The following FRMD3 variants were observed in gnomAD, a reference collection of about 807,000 sequenced individuals.
FRMD3 encodes the protein FERM domain containing 3.
A neutral mutation model predicts 70.2 loss-of-function variants in FRMD3; 33 were observed. The ratio of observed to expected loss-of-function variants is 0.47; its 90% confidence interval spans 0.36 to 0.63. The LOEUF is 0.63. Among genes scored for constraint, FRMD3 ranks in the 20% least tolerant of loss-of-function variants. The pLI is 0.00. For synonymous variants in FRMD3, 279 were observed against 255.9 expected, an observed-to-expected ratio of 1.09 and a Z score of -0.86; for missense variants, 632 against 711.4, an observed-to-expected ratio of 0.89 and a Z score of 1.27.
chr9:83,310,373 T>C, intron 9 of FRMD3, 112 bp downstream of exon 9: 1 of 848,790 alleles, frequency 1.2e-6, no homozygotes, highest in Non-Finnish European at 1.9e-6. Context: ...ATTATCACCA[T>C]ACACTTCAAA....
chr9:83,385,384 A>G (rs1367818417), intron 2 of FRMD3, among the ~76,000 whole-genome samples: 1 of 152,138 alleles, frequency 6.6e-6, no homozygotes, highest in African/African-American at 2.4e-5. Flanking sequence ...ACTGGCCAGT[A>G]TTCAACCTAT....
intron 1 of FRMD3, among the ~76,000 whole-genome samples, chr9:83,415,627 T>TTA (rs1180417518): frequency 2.0e-5 from 3 of 147,218 alleles, no homozygotes; most frequent in South Asian, 2.2e-4. Context: ...TTTTTTTTTT[T>TTA]TTTTTTGGAT....
intron 1 of FRMD3, among the ~76,000 whole-genome samples, chr9:83,513,960 A>G (rs1248852731): frequency 6.6e-6 from 1 of 152,194 alleles, no homozygotes; most frequent in East Asian, 1.9e-4. Context: ...CATGGTCTTC[A>G]CAACCTGCAG....
chr9:83,364,644 T>C (rs1169097589), intron 3 of FRMD3, among the ~76,000 whole-genome samples: 2 of 152,224 alleles, frequency 1.3e-5, no homozygotes, highest in Non-Finnish European at 2.9e-5. Flanking sequence ...AGGATTTTGC[T>C]TCATTGTTTC....
Position 83,247,225 on chromosome 9 carries a change from C to A in FRMD3, c.*693G>T, listed in dbSNP as rs1265020848. On this transcript the variant is annotated 3_prime_UTR_variant, in exon 14 of 14. Coordinates refer to ENST00000304195, the MANE Select transcript of FRMD3 (RefSeq NM_174938.6). ...GCTTACTTACTATAGTGTCTTTCTA[C>A]CCATTTTCTATCTCCTATGCAGATC... 2 of 985,322 alleles carry A rather than the reference C, an allele frequency of 2.0e-6. No homozygotes were observed. Among genetic ancestry groups the A allele is most frequent in the South Asian group, 9.4e-5 (2 of 21,284 alleles). The allele number at this position is 985,322 out of a possible 1,614,324, so 61.0% of individuals were successfully genotyped here. A position where few individuals can be genotyped will look rare whatever the true frequency, so the allele number is the denominator to read the frequency against.
intron 13 of FRMD3, among the ~76,000 whole-genome samples, chr9:83,252,605 T>C (rs1832481727): frequency 2.0e-5 from 3 of 152,112 alleles, no homozygotes; most frequent in Non-Finnish European, 4.4e-5. Flanking sequence ...CCCATCAATA[T>C]GCTGTCTTCA....
intron 1 of FRMD3, among the ~76,000 whole-genome samples, chr9:83,492,861 C>G (rs1828860382): frequency 6.6e-6 from 1 of 152,196 alleles, no homozygotes; most frequent in Non-Finnish European, 1.5e-5. Context: ...GAAAATTCGT[C>G]AAGCTCGTCC....
intron 1 of FRMD3, among the ~76,000 whole-genome samples, chr9:83,439,004 T>TCCATAC (rs1229134304): frequency 6.6e-6 from 1 of 152,122 alleles, no homozygotes; most frequent in East Asian, 1.9e-4. Flanking sequence ...GAGCTGCACC[T>TCCATAC]CCATACCCAT....
At chr9:83,504,244 T>C (rs562342757) in intron 1 of FRMD3, among the ~76,000 whole-genome samples, 2 of 152,290 alleles carry the variant, frequency 1.3e-5, no homozygotes, top group South Asian at 4.1e-4. Flanking sequence ...TCAAGTGGTC[T>C]TGGGCTTCCT....
the FRMD3 span, among the ~76,000 whole-genome samples, chr9:83,570,005 A>G: frequency 6.6e-6 from 1 of 152,260 alleles, no homozygotes; most frequent in Non-Finnish European, 1.5e-5. Flanking sequence ...GGATGAATAC[A>G]GAGCTCCTGG....
intron 5 of FRMD3, among the ~76,000 whole-genome samples, chr9:83,338,083 A>G (rs995708233): frequency 1.3e-5 from 2 of 152,230 alleles, no homozygotes; most frequent in African/African-American, 2.4e-5. Context: ...AGGAAGACCA[A>G]TAGAGAAATG....
intron 1 of FRMD3, among the ~76,000 whole-genome samples, chr9:83,529,414 G>A (rs1012378810): frequency 2.0e-5 from 3 of 152,198 alleles, no homozygotes; most frequent in Non-Finnish European, 4.4e-5. Flanking sequence ...GGGAGTGATT[G>A]TAGTTGCAAA....
intron 1 of FRMD3, among the ~76,000 whole-genome samples, chr9:83,493,978 A>G (rs1225013431): frequency 1.3e-5 from 2 of 152,190 alleles, no homozygotes; most frequent in African/African-American, 4.8e-5. Flanking sequence ...CTCATGCGCT[A>G]CACTTATCAC....
chr9:83,572,609 A>G, the FRMD3 span, among the ~76,000 whole-genome samples: 2 of 152,232 alleles, frequency 1.3e-5, no homozygotes, highest in African/African-American at 4.8e-5. Flanking sequence ...AGAGAAATAT[A>G]GAATGATTGC....
chr9:83,399,581 T>A (rs1264528863), intron 1 of FRMD3, among the ~76,000 whole-genome samples: 2 of 152,234 alleles, frequency 1.3e-5, no homozygotes, highest in African/African-American at 4.8e-5. Context: ...ACAAGTTGAA[T>A]CTTTTCTATG....
In FRMD3 at chr9:83,462,252, C is replaced by T. The variant is rs112140701; in HGVS notation, c.148-72544G>A. Among the ~76,000 whole-genome samples the T allele has an allele frequency of 7.0e-3, 1,062 of 152,304 alleles. 12 individuals carry two copies. Among genetic ancestry groups the T allele is most frequent in the African/African-American group, 0.024 (998 of 41,566 alleles). ...ATCTGGCTCTGGTCCCCCATACCAC[C>T]GGGCTGGAAGGAAATTTGATCTCAG... On this transcript the variant is annotated intron_variant, in intron 1 of 13. Coordinates refer to ENST00000304195, the MANE Select transcript of FRMD3 (RefSeq NM_174938.6).
intron 1 of FRMD3, among the ~76,000 whole-genome samples, chr9:83,415,935 GAC>G (rs1480239653): frequency 2.0e-5 from 3 of 152,164 alleles, no homozygotes; most frequent in African/African-American, 7.2e-5. Context: ...AAGTGAATTA[GAC>G]ATCCTTAGTA....
chr9:83,570,841 G>A, the FRMD3 span, among the ~76,000 whole-genome samples: 1 of 152,222 alleles, frequency 6.6e-6, no homozygotes, highest in African/African-American at 2.4e-5. Flanking sequence ...GGCAAGAAAT[G>A]ATGGTGGTTT....
chr9:83,389,109 A>G (rs146421448), intron 2 of FRMD3, among the ~76,000 whole-genome samples: 11,726 of 151,956 alleles, frequency 0.077, 528 homozygotes, highest in East Asian at 0.14. Context: ...CACCATGCCC[A>G]GCTAATTTTT....
Sources: gnomAD v4.1 joint callset for allele counts (sites outside exome capture counted in the v4.1 genomes callset) on GRCh38, gnomAD v4.1.1 for gene constraint, MANE v1.5 for transcripts, NCBI Gene and HGNC (gene_info 2026-07-23, HGNC 2026-07-21) for gene names.